PTPRM: variants seen among roughly 807,000 people sequenced by gnomAD.
The protein encoded by PTPRM is receptor-type tyrosine-protein phosphatase mu.
In PTPRM, 47 loss-of-function variants were observed where a neutral mutation model predicts 186.7. The ratio of observed to expected loss-of-function variants is 0.25; its 90% CI spans 0.20 to 0.32. PTPRM has a LOEUF of 0.32. Ranked by LOEUF, PTPRM falls within the 10% of genes least tolerant of loss-of-function variation. PTPRM has a pLI of 1.00. For synonymous variants in PTPRM, 668 were observed against 674.9 expected (o/e 0.99, Z 0.16); for missense variants, 1,494 against 1,865.0 (o/e 0.80, Z 3.66).
intron 13 of PTPRM, among the ~76,000 whole-genome samples, chr18:8,131,176 T>C (rs187673756): frequency 6.6e-6 from 1 of 152,302 alleles, no homozygotes; most frequent in African/African-American, 2.4e-5. Context: ...ATGAATGGAT[T>C]TCTTGATAGT....
At chr18:8,279,023 C>T (rs997332776) in intron 19 of PTPRM, among the ~76,000 whole-genome samples, 2 of 151,986 alleles carry the variant, frequency 1.3e-5, no homozygotes, top group African/African-American at 2.4e-5. Context: ...CACATGTATA[C>T]ATATGTAACA....
At position 7,966,934 on chromosome 18, in the gene PTPRM, C is replaced by G. The variant is rs199805695; in HGVS notation, c.1132+11520C>G. On this transcript the variant is annotated intron_variant, in intron 7 of 32. Transcript: ENST00000580170. The stretch of plus-strand genomic sequence containing the variant: ...AGGTAAACAAAGCAGCCTGGAAGCT[C>G]GAACTGGGTGGAGCCCACCACAGCT... Among the ~76,000 whole-genome samples, 2 of 124,758 alleles carry G rather than the reference C, an allele frequency of 1.6e-5. 1 individual carries two copies. The highest frequency in any genetic ancestry group is 3.8e-5 in the Non-Finnish European group (2 of 52,184). The allele number at this position is 124,758 out of a possible 152,430, so 81.8% of individuals were successfully genotyped here.
intron 14 of PTPRM, among the ~76,000 whole-genome samples, chr18:8,212,301 G>A (rs12970725): frequency 0.27 from 40,728 of 151,968 alleles, 5,630 homozygotes; most frequent in Middle Eastern, 0.5. Flanking sequence ...TGCCACCCCA[G>A]AGGCGGCAAT....
intron 1 of PTPRM, among the ~76,000 whole-genome samples, chr18:7,627,977 G>A (rs540423370): frequency 6.6e-6 from 1 of 152,120 alleles, no homozygotes; most frequent in African/African-American, 2.4e-5. Flanking sequence ...AAAACAAAAA[G>A]CCACCTTATT....
At chr18:7,619,682 C>T (rs145041301) in intron 1 of PTPRM, among the ~76,000 whole-genome samples, 36 of 152,214 alleles carry the variant, frequency 2.4e-4, no homozygotes, top group African/African-American at 7.5e-4. Context: ...AAAGACGTCC[C>T]GAATGTGTTG....
intron 2 of PTPRM, among the ~76,000 whole-genome samples, chr18:7,848,861 T>A (rs1348408): frequency 0.67 from 102,389 of 152,096 alleles, 34,949 homozygotes; most frequent in East Asian, 0.96. Context: ...AAGTTTTTTT[T>A]AAATTTTCAT....
At chr18:8,188,893 TAA>T (rs1261025439) in intron 14 of PTPRM, among the ~76,000 whole-genome samples, 1 of 152,186 alleles carries the variant, frequency 6.6e-6, no homozygotes, top group Non-Finnish European at 1.5e-5. Flanking sequence ...GGCATAAATA[TAA>T]GTCATAAGCC....
chr18:8,126,023 A>ATTTTTTTTTT lies in PTPRM; in HGVS notation c.2167+11197_2167+11198insTTTTTTTTTT, dbSNP rs1345519818. Among the ~76,000 whole-genome samples the ATTTTTTTTTT allele has an allele frequency of 5.2e-4, 24 of 46,008 alleles. 1 individual carries two copies. Among genetic ancestry groups the ATTTTTTTTTT allele is most frequent in the African/African-American group, 8.1e-4 (14 of 17,344 alleles). 30.2% of individuals were successfully genotyped at this position (46,008 alleles called of 152,430 possible). On this transcript the variant is annotated intron_variant, in intron 13 of 32. Transcript: ENST00000580170. ...TATATATATATATATATATATATAT[A>ATTTTTTTTTT]TATATTTTAAATCAGTAGACCTTTC...
intron 11 of PTPRM, among the ~76,000 whole-genome samples, chr18:8,089,583 T>C (rs2090606217): frequency 6.6e-6 from 1 of 152,182 alleles, no homozygotes; most frequent in African/African-American, 2.4e-5. Context: ...GATTTAAATG[T>C]TTTACCTTTG....
rs529420289 is a variant in PTPRM at position 8,239,300 on chromosome 18, C to A, written c.2301-4758C>A. Reference sequence around the variant, plus strand: ...TGAGAATGATGATTTCCAATTTCATCCATGTCACATAGCTTCTCTTAAGAG... The same window carrying A: ...TGAGAATGATGATTTCCAATTTCATACATGTCACATAGCTTCTCTTAAGAG... On this transcript the variant is annotated intron_variant, in intron 14 of 32. Coordinates refer to ENST00000580170, the MANE Select transcript of PTPRM (RefSeq NM_001105244.2). Among the ~76,000 whole-genome samples the A allele has an allele frequency of 9.9e-5, 15 of 151,976 alleles. No individual in the cohort carries two copies. The South Asian group carries it at 2.9e-3, about 30-fold the overall frequency.
intron 11 of PTPRM, among the ~76,000 whole-genome samples, chr18:8,090,523 A>G (rs540284213): frequency 3.9e-5 from 6 of 152,284 alleles, no homozygotes; most frequent in African/African-American, 7.2e-5. Context: ...CTATACTTGT[A>G]TCTTACTTTC....
At chr18:8,082,558 T>C (rs1204167466) in intron 9 of PTPRM, among the ~76,000 whole-genome samples, 1 of 150,856 alleles carries the variant, frequency 6.6e-6, no homozygotes, top group Non-Finnish European at 1.5e-5. Context: ...TCTGCTTTTT[T>C]TTCATTTGGT....
At chr18:7,812,021 T>G (rs939563665) in intron 2 of PTPRM, among the ~76,000 whole-genome samples, 19 of 152,324 alleles carry the variant, frequency 1.2e-4, no homozygotes, top group African/African-American at 3.6e-4. Flanking sequence ...AATAGTTATG[T>G]CCATCAAGGC....
At position 7,772,141 on chromosome 18, in the gene PTPRM, A is replaced by G. The variant is rs148706651; in HGVS notation, c.74-2008A>G. Among the ~76,000 whole-genome samples the G allele has an allele frequency of 2.4e-3, 367 of 152,352 alleles. 4 individuals are homozygous for G. Among genetic ancestry groups the G allele is most frequent in the African/African-American group, 8.7e-3 (360 of 41,590 alleles). On this transcript the variant is annotated intron_variant, in intron 1 of 32. Transcript: ENST00000580170. ...TGTAAACCTTTTAGTAGCAGGAATT[A>G]CAGGGAGCAAAGCATACTTTGCCTG...
chr18:8,057,432 T>A (rs1227193494), intron 7 of PTPRM, among the ~76,000 whole-genome samples: 7 of 66,238 alleles, frequency 1.1e-4, no homozygotes, highest in Admixed American at 8.8e-4. Context: ...CTTCTTTTTT[T>A]TTTTTTTTTT....
chr18:7,741,420 C>G (rs1362151915), intron 1 of PTPRM: 3 of 152,190 alleles, frequency 2.0e-5, no homozygotes, highest in Non-Finnish European at 2.9e-5. Context: ...GCCCAAATGA[C>G]TTGCAGTTTA....
Position 8,225,586 on chromosome 18 carries a change from C to T in PTPRM, c.2301-18472C>T, listed in dbSNP as rs370441873. ...GGGGAGCTCATTGAAGTGGGTCAGC[C>T]GTTGCTTCTAGGCTCACATCAGCCA... On this transcript the variant is annotated intron_variant, in intron 14 of 32. Transcript: ENST00000580170. Among the ~76,000 whole-genome samples the T allele has an allele frequency of 1.3e-3, 193 of 152,256 alleles. 1 individual carries two copies. The highest frequency in any genetic ancestry group is 7.5e-3 in the East Asian group (39 of 5,176).
chr18:7,735,957 C>A (rs527880258), intron 1 of PTPRM, among the ~76,000 whole-genome samples: 5 of 152,194 alleles, frequency 3.3e-5, no homozygotes, highest in African/African-American at 1.2e-4. Flanking sequence ...CGCCTCCCCC[C>A]ACCCCACCCT....
rs184063562 is a variant in PTPRM at position 8,202,870 on chromosome 18, C to A, written c.2301-41188C>A. Among the ~76,000 whole-genome samples, 180 of 152,242 alleles carry A rather than the reference C, an allele frequency of 1.2e-3. 1 individual carries two copies. Among genetic ancestry groups the A allele is most frequent in the Non-Finnish European group, 5.0e-4 (34 of 68,006 alleles). Reference sequence around the variant, plus strand: ...CTTTCTATTTGAAAAGCCTCCCAGCCTAGCCTGTGGACTGATCTCCCTGCC... The same window carrying A: ...CTTTCTATTTGAAAAGCCTCCCAGCATAGCCTGTGGACTGATCTCCCTGCC... On this transcript the variant is annotated intron_variant, in intron 14 of 32. Coordinates refer to ENST00000580170, the MANE Select transcript of PTPRM (RefSeq NM_001105244.2).
Sources: gnomAD v4.1 joint callset for allele counts (sites outside exome capture counted in the v4.1 genomes callset) on GRCh38, gnomAD v4.1.1 for gene constraint, MANE v1.5 for transcripts, NCBI Gene and HGNC (gene_info 2026-07-23, HGNC 2026-07-21) for gene names.